Variants in KCNH1 observed in about 807,000 individuals in gnomAD.
KCNH1 encodes voltage-gated delayed rectifier potassium channel KCNH1.
Under a neutral mutation model 69.2 loss-of-function variants are expected in KCNH1, and 27 were observed. That is an observed-to-expected ratio of 0.39 (90% CI 0.29 to 0.54). The LOEUF (loss-of-function observed/expected upper bound fraction) is 0.54, where lower values mean the gene tolerates loss of function less well. Ranked by LOEUF, KCNH1 falls within the 20% of genes least tolerant of loss-of-function variation. The pLI is 0.68. For synonymous variants in KCNH1, 456 were observed against 487.7 expected (o/e 0.93, Z 0.86); for missense variants, 798 against 1,261.6 (o/e 0.63, Z 5.57).
intron 7 of KCNH1, among the ~76,000 whole-genome samples, chr1:210,905,242 C>G (rs1287286694): frequency 6.6e-6 from 1 of 152,170 alleles, no homozygotes; most frequent in Non-Finnish European, 1.5e-5. Context: ...TGCCTGTTTT[C>G]TTACCTGTAA....
At chr1:210,792,990 T>C (rs527534639) in intron 9 of KCNH1, among the ~76,000 whole-genome samples, 2 of 152,316 alleles carry the variant, frequency 1.3e-5, no homozygotes, top group South Asian at 2.1e-4. Flanking sequence ...GGAAAAATGG[T>C]ATCTCTACCT....
chr1:210,922,008 T>C (rs916304178), intron 6 of KCNH1, among the ~76,000 whole-genome samples: 2 of 152,012 alleles, frequency 1.3e-5, no homozygotes, highest in Admixed American at 6.6e-5. Context: ...CTTGTCAATA[T>C]AGACCATACA....
chr1:211,124,505 G>C (rs61848609), intron 1 of KCNH1, among the ~76,000 whole-genome samples: 1 of 152,190 alleles, frequency 6.6e-6, no homozygotes. Flanking sequence ...TTAGCTGGGC[G>C]TGGTGGCGGG....
At chr1:210,822,414 T>G (rs1684948098) in intron 7 of KCNH1, among the ~76,000 whole-genome samples, 2 of 152,154 alleles carry the variant, frequency 1.3e-5, no homozygotes, top group African/African-American at 4.8e-5. Context: ...TTTTCAGAGC[T>G]TCATTAAATA....
chr1:211,006,112 G>A (rs1689279410), intron 6 of KCNH1, among the ~76,000 whole-genome samples: 1 of 152,172 alleles, frequency 6.6e-6, no homozygotes, highest in African/African-American at 2.4e-5. Context: ...TGGCAAGGAA[G>A]TAAAGCAGTG....
intron 5 of KCNH1, among the ~76,000 whole-genome samples, chr1:211,055,138 C>T (rs538641831): frequency 1.6e-4 from 25 of 152,172 alleles, no homozygotes; most frequent in Admixed American, 3.9e-4. Context: ...CTGGTTTCAA[C>T]GTCATATAAA....
intron 7 of KCNH1, among the ~76,000 whole-genome samples, chr1:210,813,997 C>T (rs948917205): frequency 1.3e-5 from 2 of 152,164 alleles, no homozygotes; most frequent in Non-Finnish European, 2.9e-5. Context: ...GAGGCCTCCC[C>T]AGCCACACGG....
rs958099626 is a variant in KCNH1, at chr1:210,861,128, T to C, written c.1463-56962A>G. The C allele has an allele frequency of 3.4e-6, 3 of 895,174 alleles. No individual in the cohort carries two copies. The African/African-American group carries it at 4.9e-5, about 15-fold the overall frequency. 55.5% of individuals were successfully genotyped at this position (895,174 alleles called of 1,614,324 possible). The stretch of plus-strand genomic sequence containing the variant: ...AGCAGTGGCAAAGGAAATGAAATCT[T>C]CAGACACATCAAACTTCATGCGTAT... On this transcript the variant is annotated intron_variant, in intron 7 of 10. Transcript: ENST00000271751.
At chr1:210,866,940 A>G (rs976850936) in intron 7 of KCNH1, among the ~76,000 whole-genome samples, 3 of 152,126 alleles carry the variant, frequency 2.0e-5, no homozygotes, top group African/African-American at 7.2e-5. Context: ...ATAAAAAGGA[A>G]TGAAATACTG....
chr1:210,997,849 G>A (rs1191000948), intron 6 of KCNH1, among the ~76,000 whole-genome samples: 1 of 152,210 alleles, frequency 6.6e-6, no homozygotes, highest in African/African-American at 2.4e-5. Flanking sequence ...GAGAGTGGGG[G>A]CCGATATTCA....
At chr1:210,953,260 C>A (rs1688097286) in intron 6 of KCNH1, among the ~76,000 whole-genome samples, 1 of 152,184 alleles carries the variant, frequency 6.6e-6, no homozygotes, top group African/African-American at 2.4e-5. Flanking sequence ...TCCCTCCAGG[C>A]ACAGACCATT....
At chr1:210,824,856 G>A (rs898309895) in intron 7 of KCNH1, among the ~76,000 whole-genome samples, 8 of 152,098 alleles carry the variant, frequency 5.3e-5, no homozygotes, top group African/African-American at 1.9e-4. Context: ...GCATTATCTT[G>A]TAATATCATG....
At chr1:210,952,801 C>G (rs528623080) in intron 6 of KCNH1, among the ~76,000 whole-genome samples, 1 of 152,138 alleles carries the variant, frequency 6.6e-6, no homozygotes, top group African/African-American at 2.4e-5. Context: ...TTGTAAACTT[C>G]ACAACCCTTG....
At chr1:211,029,334 TAAAAAAAAAA>T (rs58241322) in intron 5 of KCNH1, among the ~76,000 whole-genome samples, 4 of 23,140 alleles carry the variant, frequency 1.7e-4, no homozygotes, top group Non-Finnish European at 2.7e-4. Flanking sequence ...TCCTGTCACT[TAAAAAAAAAA>T]AAAAAAAAAA....
intron 10 of KCNH1, among the ~76,000 whole-genome samples, chr1:210,684,469 C>G (rs1424715469): frequency 6.6e-6 from 1 of 152,214 alleles, no homozygotes; most frequent in Non-Finnish European, 1.5e-5. Flanking sequence ...CTGTCCTAGC[C>G]TCTGTGCCTG....
chr1:210,911,525 T>C (rs1687230407), intron 7 of KCNH1, among the ~76,000 whole-genome samples: 1 of 150,862 alleles, frequency 6.6e-6, no homozygotes, highest in Non-Finnish European at 1.5e-5. Flanking sequence ...ACCTGCACAA[T>C]GTGCACATGT....
chr1:210,721,534 T>C (rs1044412368), intron 10 of KCNH1, among the ~76,000 whole-genome samples: 11 of 152,170 alleles, frequency 7.2e-5, no homozygotes, highest in African/African-American at 2.7e-4. Flanking sequence ...TGCATAGAAG[T>C]TGATGGCCGA....
In KCNH1 at chr1:211,084,530, C is replaced by G. The variant is rs1690917807; in HGVS notation, c.440-1632G>C. 6.6e-5 allele frequency among the ~76,000 whole-genome samples: 10 copies of G among 152,290 alleles called. No homozygotes were observed. In the South Asian group the frequency reaches 2.1e-3, roughly 32 times the overall value. On this transcript the variant is annotated intron_variant, in intron 4 of 10. Coordinates refer to ENST00000271751, the MANE Select transcript of KCNH1 (RefSeq NM_172362.3). The stretch of plus-strand genomic sequence containing the variant: ...TATCCCTGGACCTCTGGTCATTTCC[C>G]TAGACTCAGGATAGCCCCTCACTCT...
intron 5 of KCNH1, among the ~76,000 whole-genome samples, chr1:211,047,935 A>G (rs1234319323): frequency 1.3e-5 from 2 of 152,216 alleles, no homozygotes; most frequent in South Asian, 2.1e-4. Flanking sequence ...CAAATGGCCA[A>G]CAAACATATG....
Sources: allele counts gnomAD v4.1 joint callset (sites outside exome capture counted in the v4.1 genomes callset), GRCh38; gene constraint gnomAD v4.1.1; transcripts MANE v1.5; gene names NCBI Gene and HGNC (gene_info 2026-07-23, HGNC 2026-07-21).